IMMP1L: variants seen among roughly 807,000 people sequenced by gnomAD.
The protein encoded by IMMP1L is inner mitochondrial membrane peptidase subunit 1, also known as mitochondrial inner membrane protease subunit 1.
A neutral mutation model predicts 21.8 loss-of-function variants in IMMP1L; 24 were observed. The observed-to-expected ratio is 1.10, with a 90% confidence interval of 0.80 to 1.55. The LOEUF (loss-of-function observed/expected upper bound fraction) is 1.55. Among genes scored for constraint, IMMP1L ranks in the 40% most tolerant of loss-of-function variants. The pLI is 0.00. For synonymous variants in IMMP1L, 46 were observed against 62.8 expected (o/e 0.73, Z 1.26); for missense variants, 195 against 200.7 (o/e 0.97, Z 0.17).
chr11:31,459,937 G>T (rs1395331583), intron 3 of IMMP1L, among the ~76,000 whole-genome samples: 1 of 151,888 alleles, frequency 6.6e-6, no homozygotes, highest in Non-Finnish European at 1.5e-5. Context: ...TGAGCGGATT[G>T]CTTGAGCTCA....
intron 1 of IMMP1L, among the ~76,000 whole-genome samples, chr11:31,487,785 G>C (rs1483900352): frequency 6.6e-6 from 1 of 152,114 alleles, no homozygotes; most frequent in African/African-American, 2.4e-5. Context: ...GCATCCTTCA[G>C]TGTGTACAGT....
intron 1 of IMMP1L, among the ~76,000 whole-genome samples, chr11:31,503,653 A>G (rs1024413683): frequency 2.6e-5 from 4 of 152,352 alleles, no homozygotes; most frequent in African/African-American, 9.6e-5. Flanking sequence ...TGACAGACCA[A>G]TCCTACCATA....
chr11:31,442,948 A>C (rs937203592), intron 4 of IMMP1L, among the ~76,000 whole-genome samples: 5 of 152,220 alleles, frequency 3.3e-5, no homozygotes, highest in Admixed American at 1.3e-4. Flanking sequence ...TGGAATAATC[A>C]GTGGGCTATA....
intron 1 of IMMP1L, among the ~76,000 whole-genome samples, chr11:31,497,460 CTTTTTT>C (rs796666845): frequency 4.0e-5 from 5 of 123,986 alleles, no homozygotes; most frequent in Admixed American, 1.6e-4. Context: ...TATTTCTTTT[CTTTTTT>C]TTTTTTTTTT....
intron 1 of IMMP1L, among the ~76,000 whole-genome samples, chr11:31,497,439 C>T (rs1326713376): frequency 1.3e-5 from 2 of 148,254 alleles, no homozygotes; most frequent in African/African-American, 2.5e-5. Context: ...GTTACTGCTT[C>T]TTGGGTACAA....
At chr11:31,488,830 T>C in intron 1 of IMMP1L, among the ~76,000 whole-genome samples, 1 of 152,238 alleles carries the variant, frequency 6.6e-6, no homozygotes, top group East Asian at 1.9e-4. Context: ...TAGTCAATTA[T>C]AATAATTCTA....
At chr11:31,500,301 G>A (rs1955577299) in intron 1 of IMMP1L, among the ~76,000 whole-genome samples, 1 of 152,048 alleles carries the variant, frequency 6.6e-6, no homozygotes, top group African/African-American at 2.4e-5. Flanking sequence ...ACACGAGCAT[G>A]AGAAAGAAGG....
intron 1 of IMMP1L, among the ~76,000 whole-genome samples, chr11:31,498,778 C>T (rs1955530219): frequency 6.6e-6 from 1 of 152,122 alleles, no homozygotes; most frequent in African/African-American, 2.4e-5. Flanking sequence ...GTTACTTATC[C>T]TTTATGTGAC....
chr11:31,444,747 G>A (rs549396986), intron 4 of IMMP1L, among the ~76,000 whole-genome samples: 9 of 151,910 alleles, frequency 5.9e-5, no homozygotes, highest in Non-Finnish European at 1.3e-4. Flanking sequence ...GCACCACCAC[G>A]CCTGGCTAAT....
intron 1 of IMMP1L, among the ~76,000 whole-genome samples, chr11:31,478,376 A>G (rs769993693): frequency 2.6e-5 from 4 of 152,210 alleles, no homozygotes; most frequent in Non-Finnish European, 5.9e-5. Context: ...CTGTGCTTCT[A>G]TAACAATCAT....
intron 1 of IMMP1L, chr11:31,477,452 A>C: frequency 3.0e-6 from 2 of 665,202 alleles, no homozygotes; most frequent in Non-Finnish European, 3.7e-6. Flanking sequence ...AGCTTAACAT[A>C]AGGTTACATA....
chr11:31,496,664 A>G (rs1955447447), intron 1 of IMMP1L, among the ~76,000 whole-genome samples: 1 of 150,798 alleles, frequency 6.6e-6, no homozygotes, highest in Non-Finnish European at 1.5e-5. Flanking sequence ...TCTTATATAT[A>G]TGTTATAACT....
chr11:31,497,722 T>TG (rs1232467152), intron 1 of IMMP1L, among the ~76,000 whole-genome samples: 3 of 152,194 alleles, frequency 2.0e-5, no homozygotes, highest in African/African-American at 7.2e-5. Context: ...AGTGTTGGGA[T>TG]TACAGGCGTG....
chr11:31,472,580 T>G (rs556971364), intron 1 of IMMP1L, among the ~76,000 whole-genome samples: 1 of 152,312 alleles, frequency 6.6e-6, no homozygotes, highest in East Asian at 1.9e-4. Flanking sequence ...AATCTGTTAC[T>G]TTTTTTATTC....
intron 1 of IMMP1L, among the ~76,000 whole-genome samples, chr11:31,489,898 A>G (rs1383998503): frequency 1.3e-5 from 2 of 152,208 alleles, no homozygotes; most frequent in African/African-American, 2.4e-5. Flanking sequence ...ACACATCTAA[A>G]TATACTTAAA....
intron 2 of IMMP1L, among the ~76,000 whole-genome samples, chr11:31,461,885 G>T (rs776053912): frequency 4.6e-5 from 7 of 151,998 alleles, no homozygotes; most frequent in Non-Finnish European, 1.0e-4. Context: ...ATCTAAATCC[G>T]ACAGTCTCCA....
At chr11:31,466,863 G>A (rs909756450) in intron 1 of IMMP1L, among the ~76,000 whole-genome samples, 4 of 151,880 alleles carry the variant, frequency 2.6e-5, no homozygotes, top group African/African-American at 7.3e-5. Context: ...GGATGAATAC[G>A]GTTAACTATA....
At chr11:31,447,812 T>A (rs1019182691) in intron 4 of IMMP1L, among the ~76,000 whole-genome samples, 1 of 152,206 alleles carries the variant, frequency 6.6e-6, no homozygotes, top group Non-Finnish European at 1.5e-5. Flanking sequence ...TATTTTTCCT[T>A]TTTTTCATTC....
intron 4 of IMMP1L, among the ~76,000 whole-genome samples, chr11:31,444,582 T>G (rs972708501): frequency 6.6e-6 from 1 of 151,802 alleles, no homozygotes; most frequent in African/African-American, 2.4e-5. Flanking sequence ...AACTAACATT[T>G]CTATTCTTTT....
Sources: allele counts gnomAD v4.1 joint callset (sites outside exome capture counted in the v4.1 genomes callset), GRCh38; gene constraint gnomAD v4.1.1; transcripts MANE v1.5; gene names NCBI Gene and HGNC (gene_info 2026-07-23, HGNC 2026-07-21).